BTBD9: variants seen among roughly 807,000 people sequenced by gnomAD.
BTBD9 encodes BTB/POZ domain-containing protein 9.
A neutral mutation model predicts 64.3 loss-of-function variants in BTBD9; 49 were observed. The ratio of observed to expected loss-of-function variants is 0.76; its 90% CI spans 0.61 to 0.97. The LOEUF (loss-of-function observed/expected upper bound fraction) is 0.97, where lower values mean the gene tolerates loss of function less well. Among genes scored for constraint, BTBD9 ranks in the 50% least tolerant of loss-of-function variants. BTBD9 has a pLI of 0.00. For missense variants in BTBD9, 598 were observed against 762.1 expected, an observed-to-expected ratio of 0.78 and a Z score of 2.53; for synonymous variants, 260 against 274.7, an observed-to-expected ratio of 0.95 and a Z score of 0.53.
intron 6 of BTBD9, among the ~76,000 whole-genome samples, chr6:38,510,010 T>C (rs954929200): frequency 3.9e-5 from 6 of 152,198 alleles, no homozygotes; most frequent in Admixed American, 6.5e-5. Context: ...AATCCTACAG[T>C]TGGCTTTGTC....
intron 6 of BTBD9, among the ~76,000 whole-genome samples, chr6:38,346,658 C>T (rs1764287317): frequency 6.6e-6 from 1 of 152,046 alleles, no homozygotes; most frequent in Non-Finnish European, 1.5e-5. Context: ...AAGTTCTTAC[C>T]GGTCTGGGTA....
intron 6 of BTBD9, among the ~76,000 whole-genome samples, chr6:38,469,118 G>A (rs947878277): frequency 6.6e-6 from 1 of 151,638 alleles, no homozygotes; most frequent in African/African-American, 2.4e-5. Context: ...TTAGAAATGT[G>A]TGGATGGTCA....
intron 6 of BTBD9, among the ~76,000 whole-genome samples, chr6:38,564,782 C>T (rs1775413356): frequency 6.6e-6 from 1 of 152,108 alleles, no homozygotes; most frequent in Admixed American, 6.5e-5. Context: ...ATCCCAGCTA[C>T]TCGGGAGGCT....
At chr6:38,268,845 G>A (rs917819444) in intron 8 of BTBD9, among the ~76,000 whole-genome samples, 9 of 152,098 alleles carry the variant, frequency 5.9e-5, no homozygotes, top group African/African-American at 1.4e-4. Context: ...CCTCCTTCAG[G>A]TTCTCCCTTG....
chr6:38,379,778 G>T (rs1461501105), intron 6 of BTBD9, among the ~76,000 whole-genome samples: 1 of 152,162 alleles, frequency 6.6e-6, no homozygotes, highest in African/African-American at 2.4e-5. Flanking sequence ...AATTATATTT[G>T]CATGACCACA....
intron 6 of BTBD9, among the ~76,000 whole-genome samples, chr6:38,558,334 G>A (rs369893433): frequency 9.2e-5 from 14 of 151,650 alleles, no homozygotes; most frequent in African/African-American, 3.1e-4. Context: ...GAATCATACT[G>A]TCAATGAAAA....
intron 6 of BTBD9, among the ~76,000 whole-genome samples, chr6:38,358,860 T>C (rs1018656824): frequency 6.6e-6 from 1 of 151,510 alleles, no homozygotes; most frequent in East Asian, 1.9e-4. Context: ...CAAGCTCCGC[T>C]TCCCGGGTTC....
chr6:38,566,679 TA>T (rs1292234225), intron 6 of BTBD9, among the ~76,000 whole-genome samples: 3 of 152,240 alleles, frequency 2.0e-5, no homozygotes, highest in Non-Finnish European at 4.4e-5. Context: ...AGTGTCATTG[TA>T]GTCTATTGTT....
intron 6 of BTBD9, among the ~76,000 whole-genome samples, chr6:38,393,822 T>C (rs1766542463): frequency 1.3e-5 from 2 of 152,232 alleles, no homozygotes; most frequent in South Asian, 2.1e-4. Flanking sequence ...GACAGACAGA[T>C]GGAGATGTGG....
intron 9 of BTBD9, among the ~76,000 whole-genome samples, chr6:38,239,782 C>G (rs1763931356): frequency 6.6e-6 from 1 of 152,084 alleles, no homozygotes; most frequent in East Asian, 1.9e-4. Context: ...GAGAAAACAC[C>G]TACATTTTGG....
intron 6 of BTBD9, among the ~76,000 whole-genome samples, chr6:38,461,333 C>T (rs1770075811): frequency 6.6e-6 from 1 of 152,194 alleles, no homozygotes; most frequent in African/African-American, 2.4e-5. Flanking sequence ...TCTCTCCACT[C>T]CCTACCTCTG....
intron 1 of BTBD9, among the ~76,000 whole-genome samples, chr6:38,622,609 C>T (rs1778025515): frequency 6.6e-6 from 1 of 152,196 alleles, no homozygotes; most frequent in South Asian, 2.1e-4. Context: ...TCCAACCTCA[C>T]CTATTACACA....
intron 8 of BTBD9, among the ~76,000 whole-genome samples, chr6:38,257,063 CTTTT>C (rs745545678): frequency 9.0e-6 from 1 of 111,380 alleles, no homozygotes; most frequent in Admixed American, 9.2e-5. Flanking sequence ...TTGCACACTT[CTTTT>C]TTTTTTTTTT....
intron 6 of BTBD9, among the ~76,000 whole-genome samples, chr6:38,448,191 T>C (rs1253158696): frequency 6.6e-6 from 1 of 151,410 alleles, no homozygotes; most frequent in African/African-American, 2.4e-5. Context: ...AGTGTATCAC[T>C]TTGTCCCACC....
chr6:38,238,348 G>A (rs1258151978), intron 9 of BTBD9, among the ~76,000 whole-genome samples: 6 of 152,146 alleles, frequency 3.9e-5, no homozygotes, highest in Non-Finnish European at 7.3e-5. Context: ...ACCTGGAAGG[G>A]TAGGGCAACT....
chr6:38,272,805 G>A (rs1582146037), intron 8 of BTBD9, among the ~76,000 whole-genome samples: 1 of 152,176 alleles, frequency 6.6e-6, no homozygotes, highest in East Asian at 1.9e-4. Flanking sequence ...TTGATTATAT[G>A]CTCTTTATTA....
chr6:38,626,478 T>A (rs925598797), intron 1 of BTBD9, among the ~76,000 whole-genome samples: 2 of 152,172 alleles, frequency 1.3e-5, no homozygotes, highest in African/African-American at 4.8e-5. Context: ...AGTTTTTTTG[T>A]GGGCAGGAAC....
intron 9 of BTBD9, among the ~76,000 whole-genome samples, chr6:38,228,345 C>CG (rs1763474746): frequency 2.9e-5 from 2 of 67,894 alleles, no homozygotes; most frequent in South Asian, 5.4e-4. Context: ...ACCCTGTCCC[C>CG]CCCCCCAAAA....
chr6:38,402,542 C>A (rs1386706805), intron 6 of BTBD9, among the ~76,000 whole-genome samples: 1 of 152,156 alleles, frequency 6.6e-6, no homozygotes, highest in African/African-American at 2.4e-5. Context: ...CATCTATGGC[C>A]AACTGATTTT....
Sources: allele counts gnomAD v4.1 joint callset (sites outside exome capture counted in the v4.1 genomes callset), GRCh38; gene constraint gnomAD v4.1.1; transcripts MANE v1.5; gene names NCBI Gene and HGNC (gene_info 2026-07-23, HGNC 2026-07-21).